FXR2: variants seen among roughly 807,000 people sequenced by gnomAD.
FXR2 encodes FMR1 autosomal homolog 2, also known as RNA-binding protein FXR2.
A neutral mutation model predicts 87.3 loss-of-function variants in FXR2; 9 were observed. The observed-to-expected ratio is 0.10, with a 90% CI of 0.06 to 0.18. FXR2 has a LOEUF of 0.18. FXR2 is among the 10% of genes least tolerant of loss of function. The pLI is 1.00. For missense variants in FXR2, 661 were observed against 893.6 expected (o/e 0.74, Z 3.32); for synonymous variants, 331 against 328.3 (o/e 1.01, Z -0.09).
In FXR2 at chr17:7,595,090, A is replaced by C. The variant is rs2071696876; in HGVS notation, c.832-333T>G. 1.3e-5 allele frequency among the ~76,000 whole-genome samples: 2 copies of C among 152,036 alleles called. No individual in the cohort carries two copies. Among genetic ancestry groups the C allele is most frequent in the Non-Finnish European group, 1.5e-5 (1 of 68,010 alleles). Reference sequence around the variant, plus strand: ...TGTGCCACTGCACTCTAGCCCGGGCAACAGAGTGAGTTAGACTCCATCTCA... The same window carrying C: ...TGTGCCACTGCACTCTAGCCCGGGCCACAGAGTGAGTTAGACTCCATCTCA... On this transcript the variant is annotated intron_variant, in intron 8 of 16. Coordinates refer to ENST00000250113, the MANE Select transcript of FXR2 (RefSeq NM_004860.4). This position sits in a 1 kb window ranked among gnomAD's most constrained non-coding sequence, Gnocchi z 4.7.
At chr17:7,597,690 T>TGAGCCGCTGCACCCG (rs1283713993) in intron 7 of FXR2, among the ~76,000 whole-genome samples, 2 of 152,176 alleles carry the variant, frequency 1.3e-5, no homozygotes, top group African/African-American at 4.8e-5. Flanking sequence ...ATTGCAGGCG[T>TGAGCCGCTGCACCCG]GAGCCGCTGC....
chr17:7,611,120 C>T lies in FXR2; in HGVS notation c.81+3332G>A, dbSNP rs539621819. On this transcript the variant is annotated intron_variant, in intron 1 of 16. Coordinates refer to ENST00000250113, the MANE Select transcript of FXR2 (RefSeq NM_004860.4). ...AAGATTGCGCCCTGGACGGTGAATA[C>T]TTCATTTGGGAGAGTACAACTTAAA... Among the ~76,000 whole-genome samples, 24 of 152,198 alleles carry T rather than the reference C, an allele frequency of 1.6e-4. 1 individual carries two copies. In the South Asian group the frequency reaches 4.4e-3, roughly 28 times the overall value.
chr17:7,592,851 C>T lies in FXR2; in HGVS notation c.1572G>A (p.Thr524=), dbSNP rs758930383. Residue 524 remains threonine, a synonymous_variant, in exon 14 of 17, where the codon ACG becomes ACA. Transcript: ENST00000250113. This position sits in a 1 kb window ranked among gnomAD's most constrained non-coding sequence, Gnocchi z 4.8. ...PDSNPYSLLD[T]SEPEPPVDSE... ...AATCAACCGGGGGCTCTGGTTCAGA[C>T]GTGTCCAATAGGCTGTAGGGATTAC... The T allele has an allele frequency of 2.1e-5, 33 of 1,608,520 alleles. No individual in the cohort carries two copies. The highest frequency in any genetic ancestry group is 1.7e-5 in the Admixed American group (1 of 59,244).
At position 7,614,453 on chromosome 17, in the gene FXR2, T is replaced by A; in HGVS notation, c.80A>T (p.Lys27Met). Residue 27 changes from lysine to methionine, a missense_variant and splice_region_variant, in exon 1 of 17, where the codon AAG becomes ATG. Lys to Met is a moderately conservative substitution (Grantham distance 95). Transcript: ENST00000250113. Reference sequence around the variant, plus strand: ...TCCCCAGTCGGCGCGCCGTCTCACCTTGTAGAAGGCCCCGTTGGAGCCGCG... The same window carrying A: ...TCCCCAGTCGGCGCGCCGTCTCACCATGTAGAAGGCCCCGTTGGAGCCGCG... ...EVRGSNGAFY[K>M]GFVKDVHEDS... 6.5e-7 allele frequency: 1 copy of A among 1,538,154 alleles called. No homozygotes were observed.
intron 3 of FXR2, among the ~76,000 whole-genome samples, chr17:7,604,374 G>C (rs2071784943): frequency 1.3e-5 from 2 of 152,000 alleles, no homozygotes; most frequent in Admixed American, 6.6e-5. Context: ...AGAACGATCT[G>C]GGCAACACAG....
At position 7,614,474 on chromosome 17, in the gene FXR2, C is replaced by T; in HGVS notation, c.59G>A (p.Gly20Asp). ...CACCTTGTAGAAGGCCCCGTTGGAG[C>T]CGCGCACCTCGACGGGCAGTCCCGG... ...VEPGLPVEVR[G>D]SNGAFYKGFV... Residue 20 changes from glycine to aspartate, a missense_variant, in exon 1 of 17, where the codon GGC becomes GAC. Gly to Asp is a moderately conservative substitution (Grantham distance 94, BLOSUM62 -1). This residue lies in a region of FXR2 where 170 missense variants were observed against 247.2 expected (regional missense o/e 0.69). Coordinates refer to ENST00000250113, the MANE Select transcript of FXR2 (RefSeq NM_004860.4). 2 of 1,541,502 alleles carry T rather than the reference C, an allele frequency of 1.3e-6. No individual in the cohort carries two copies. The highest frequency in any genetic ancestry group is 1.7e-6 in the Non-Finnish European group (2 of 1,146,398).
intron 3 of FXR2, among the ~76,000 whole-genome samples, chr17:7,604,905 T>C (rs1181107687): frequency 6.6e-6 from 1 of 151,340 alleles, no homozygotes; most frequent in Non-Finnish European, 1.5e-5. Context: ...GTATTTTTAG[T>C]AGAGATGGGG....
chr17:7,598,267 G>T (rs1336772011), intron 7 of FXR2, among the ~76,000 whole-genome samples: 2 of 151,774 alleles, frequency 1.3e-5, no homozygotes, highest in Non-Finnish European at 2.9e-5. Flanking sequence ...TGGCTAACAC[G>T]GTGAAACCCC....
chr17:7,614,434 G>C lies in FXR2; in HGVS notation c.81+18C>G, dbSNP rs1182928488. The C allele has an allele frequency of 8.6e-6, 13 of 1,513,970 alleles. No individual in the cohort carries two copies. Among genetic ancestry groups the C allele is most frequent in the Non-Finnish European group, 1.2e-5 (13 of 1,125,802 alleles). 93.8% of individuals were successfully genotyped at this position (1,513,970 alleles called of 1,614,324 possible). ...AGGGGGCTAAGGACCGGCGTCCCCAGTCGGCGCGCCGTCTCACCTTGTAGA... is the reference window on the plus strand; with the variant it reads ...AGGGGGCTAAGGACCGGCGTCCCCACTCGGCGCGCCGTCTCACCTTGTAGA... On this transcript the variant is annotated intron_variant, in intron 1 of 16. Coordinates refer to ENST00000250113, the MANE Select transcript of FXR2 (RefSeq NM_004860.4).
Position 7,592,766 on chromosome 17 carries a change from T to TGCG in FXR2, c.1654_1656dup (p.Arg552dup), listed in dbSNP as rs760793575. The TGCG allele has an allele frequency of 5.0e-6, 8 of 1,613,254 alleles. No homozygotes were observed. The highest frequency in any genetic ancestry group is 2.2e-5 in the East Asian group (1 of 44,814). ...TCCATGACGGTCCTGTCTTCATCAG[T>TGCG]GCGGCGGCGGCGGGAGCGGCGGCGC... On this transcript the variant is annotated inframe_insertion, in exon 14 of 17. Coordinates refer to ENST00000250113, the MANE Select transcript of FXR2 (RefSeq NM_004860.4). The surrounding 1 kb of genome is among the most constrained non-coding windows in gnomAD (Gnocchi z 4.8).
chr17:7,602,170 T>C (rs2150944236), intron 6 of FXR2, among the ~76,000 whole-genome samples: 1 of 152,222 alleles, frequency 6.6e-6, no homozygotes, highest in South Asian at 2.1e-4. Context: ...ACGCCTGTGA[T>C]CCCAGCACTT....
rs764314853 is a variant in FXR2, at chr17:7,601,494, G to C, written c.575C>G (p.Ser192Cys). 1 of 1,612,296 alleles carries C rather than the reference G, an allele frequency of 6.2e-7. No individual in the cohort carries two copies. Residue 192 changes from serine (S) to cysteine (C), a missense_variant, in exon 7 of 17, where the codon TCT becomes TGT. Around this residue, in one of 3 missense-constraint regions of FXR2, gnomAD observed 170 missense variants for 247.2 expected, o/e 0.69. Coordinates refer to ENST00000250113, the MANE Select transcript of FXR2 (RefSeq NM_004860.4). Reference sequence around the variant, plus strand: ...TCGGAAATGCATATCACCCAGCAGAGATGCTCGCTTCACAGGGGCTTCTGT... The same window carrying C: ...TCGGAAATGCATATCACCCAGCAGACATGCTCGCTTCACAGGGGCTTCTGT... ...STTEAPVKRA[S>C]LLGDMHFRSL...
chr17:7,595,889 T>G lies in FXR2; in HGVS notation c.766A>C (p.Lys256Gln). Residue 256 changes from lysine (K) to glutamine (Q), a missense_variant, in exon 8 of 17, where the codon AAA (lysine) becomes CAA (glutamine). By Grantham distance (53) the Lys-to-Gln change is moderately conservative (BLOSUM62 1). Transcript: ENST00000250113. This position sits in a 1 kb window ranked among gnomAD's most constrained non-coding sequence, Gnocchi z 4.7. The part of the protein sequence containing the change: ...THGANIQQAR[K>Q]VPGVTAIELG... ...TCAATGGCGGTCACCCCAGGTACTT[T>G]TCGGGCCTGCTGGATGTTGGCACCG... 6.2e-7 allele frequency: 1 copy of G among 1,613,920 alleles called. No homozygotes were observed. The highest frequency in any genetic ancestry group is 8.5e-7 in the Non-Finnish European group (1 of 1,179,874).
chr17:7,596,768 T>C (rs1190559596), intron 7 of FXR2, among the ~76,000 whole-genome samples: 1 of 152,154 alleles, frequency 6.6e-6, no homozygotes, highest in African/African-American at 2.4e-5. Context: ...ATCAAACAAA[T>C]ATCAACTCAT....
chr17:7,603,043 G>T, intron 5 of FXR2, 41 bp from the exon 6 acceptor site: 1 of 993,436 alleles, frequency 1.0e-6, no homozygotes, highest in Non-Finnish European at 1.6e-6. Context: ...AATGCAGAGA[G>T]TACAGTGAAG....
Position 7,595,848 on chromosome 17 carries a change from G to A in FXR2, c.807C>T (p.Thr269=). The change falls in exon 8 of 17, where the codon ACC becomes ACT. Residue 269 remains threonine (T), a synonymous_variant. Coordinates refer to ENST00000250113, the MANE Select transcript of FXR2 (RefSeq NM_004860.4). This position sits in a 1 kb window ranked among gnomAD's most constrained non-coding sequence, Gnocchi z 4.7. ...GVTAIELGEE[T]CTFRIYGETP... ...CCTCCCCATAGATGCGGAAAGTGCA[G>A]GTCTCTTCACCCAACTCAATGGCGG... is the stretch of plus-strand genomic sequence containing the variant. The A allele has an allele frequency of 2.5e-6, 4 of 1,613,882 alleles. No homozygotes were observed. The highest frequency in any genetic ancestry group is 3.4e-6 in the Non-Finnish European group (4 of 1,179,852).
At chr17:7,607,613 G>C (rs889407618) in intron 1 of FXR2, among the ~76,000 whole-genome samples, 1 of 151,762 alleles carries the variant, frequency 6.6e-6, no homozygotes, top group East Asian at 2.0e-4. Context: ...ATTTTTAGTA[G>C]AGACGGGGTT....
At chr17:7,604,437 C>T (rs1020290155) in intron 3 of FXR2, among the ~76,000 whole-genome samples, 4 of 152,020 alleles carry the variant, frequency 2.6e-5, no homozygotes, top group African/African-American at 9.7e-5. Flanking sequence ...GGCTTATGCC[C>T]ATAATCCCAG....
Position 7,594,811 on chromosome 17 carries a change from G to A in FXR2, c.832-54C>T, listed in dbSNP as rs1001133950. 5.7e-5 allele frequency: 61 copies of A among 1,077,360 alleles called. No individual in the cohort carries two copies. The highest frequency in any genetic ancestry group is 2.0e-4 in the Middle Eastern group (1 of 5,016). The allele number at this position is 1,077,360 out of a possible 1,614,324, so 66.7% of individuals were successfully genotyped here. ...CTAAAACAGAAGACCAGCTGGATGT[G>A]GTGGCTCACGCCTGTAATCCCAGCA... On this transcript the variant is annotated intron_variant, in intron 8 of 16. Coordinates refer to ENST00000250113, the MANE Select transcript of FXR2 (RefSeq NM_004860.4). The surrounding 1 kb of genome is among the most constrained non-coding windows in gnomAD (Gnocchi z 5.1).
Sources: gnomAD v4.1 joint callset for allele counts (sites outside exome capture counted in the v4.1 genomes callset) on GRCh38, gnomAD v4.1.1 for gene constraint, gnomAD v4.1.1 regional missense constraint, Gnocchi (gnomAD v3.1) non-coding constraint, MANE v1.5 for transcripts, NCBI Gene and HGNC (gene_info 2026-07-23, HGNC 2026-07-21) for gene names.